ALK: variants seen among roughly 807,000 people sequenced by gnomAD.
ALK encodes ALK receptor tyrosine kinase.
A neutral mutation model predicts 163.1 loss-of-function variants in ALK; 74 were observed. The observed-to-expected ratio is 0.45, with a 90% CI of 0.38 to 0.55. The LOEUF (loss-of-function observed/expected upper bound fraction) is 0.55, where lower values mean the gene tolerates loss of function less well. ALK is among the 20% of genes least tolerant of loss of function. The pLI, the probability that ALK is intolerant of heterozygous loss-of-function variation, is 0.00. For missense variants in ALK, 2,063 were observed against 2,105.3 expected, an observed-to-expected ratio of 0.98 and a Z score of 0.39; for synonymous variants, 960 against 843.2, an observed-to-expected ratio of 1.14 and a Z score of -2.40.
intron 1 of ALK, among the ~76,000 whole-genome samples, chr2:29,836,016 T>C (rs368028798): frequency 5.9e-5 from 9 of 152,238 alleles, no homozygotes; most frequent in East Asian, 3.9e-4. Context: ...TTCCATTCCA[T>C]AGCTCCCCTG....
chr2:29,803,261 C>G (rs948177219), intron 1 of ALK, among the ~76,000 whole-genome samples: 1 of 152,214 alleles, frequency 6.6e-6, no homozygotes, highest in Non-Finnish European at 1.5e-5. Flanking sequence ...TCTGAACAAC[C>G]TAGCCCATTA....
At chr2:29,854,416 T>C (rs1372204108) in intron 1 of ALK, among the ~76,000 whole-genome samples, 2 of 152,062 alleles carry the variant, frequency 1.3e-5, no homozygotes, top group Admixed American at 6.6e-5. Flanking sequence ...TCCCCCTCTC[T>C]CTCTCTTAAG....
chr2:29,369,513 A>G (rs1483306090), intron 5 of ALK, among the ~76,000 whole-genome samples: 1 of 152,182 alleles, frequency 6.6e-6, no homozygotes, highest in Non-Finnish European at 1.5e-5. Flanking sequence ...CAACCATTTC[A>G]GCCACCTTGT....
At chr2:29,267,117 G>A (rs375081269) in intron 11 of ALK, among the ~76,000 whole-genome samples, 28 of 144,078 alleles carry the variant, frequency 1.9e-4, no homozygotes, top group Admixed American at 7.0e-4. Context: ...CCACCCCCTC[G>A]TCCCCACACT....
intron 4 of ALK, among the ~76,000 whole-genome samples, chr2:29,407,097 T>C (rs903127655): frequency 6.6e-6 from 1 of 152,176 alleles, no homozygotes; most frequent in Non-Finnish European, 1.5e-5. Flanking sequence ...TGGTTCATCC[T>C]CAGTCCTGGA....
chr2:29,619,004 A>T lies in ALK; in HGVS notation c.952+75846T>A, dbSNP rs58137846. ...AAAAAATAAATAAAAAATAAATAAA[A>T]AAAAAAAACACTTGAAAAATAGTTG... is the stretch of plus-strand genomic sequence containing the variant. On this transcript the variant is annotated intron_variant, in intron 3 of 28. Coordinates refer to ENST00000389048, the MANE Select transcript of ALK (RefSeq NM_004304.5). 8.4e-3 allele frequency among the ~76,000 whole-genome samples: 1,260 copies of T among 150,736 alleles called. 11 individuals are homozygous for T. The highest frequency in any genetic ancestry group is 0.041 in the Middle Eastern group (12 of 292).
intron 4 of ALK, among the ~76,000 whole-genome samples, chr2:29,467,008 T>A: frequency 6.6e-6 from 1 of 152,184 alleles, no homozygotes; most frequent in East Asian, 1.9e-4. Flanking sequence ...GCATCTCCAG[T>A]TGTTTCTGGT....
intron 5 of ALK, among the ~76,000 whole-genome samples, chr2:29,329,049 G>C (rs10169529): frequency 0.011 from 1,748 of 152,264 alleles, 31 homozygotes; most frequent in African/African-American, 0.039. Flanking sequence ...CTCCTGCCTG[G>C]CTGTATGAGG....
At chr2:29,848,388 A>T (rs995431603) in intron 1 of ALK, among the ~76,000 whole-genome samples, 6 of 150,372 alleles carry the variant, frequency 4.0e-5, no homozygotes, top group Non-Finnish European at 5.9e-5. Context: ...AGAACCACTG[A>T]GCTAGACTTA....
chr2:29,414,091 G>T (rs1409244155), intron 4 of ALK, among the ~76,000 whole-genome samples: 1 of 152,226 alleles, frequency 6.6e-6, no homozygotes, highest in Admixed American at 6.5e-5. Flanking sequence ...AATGCATTGT[G>T]TTATGAGGTT....
chr2:29,624,720 C>G (rs755784147), intron 3 of ALK, among the ~76,000 whole-genome samples: 5 of 152,182 alleles, frequency 3.3e-5, no homozygotes, highest in Non-Finnish European at 4.4e-5. Context: ...TAAACCTGCA[C>G]GTACTGCGCA....
At chr2:29,274,941 T>C (rs537985915) in intron 11 of ALK, among the ~76,000 whole-genome samples, 158 bp downstream of exon 11, 1 of 152,230 alleles carries the variant, frequency 6.6e-6, no homozygotes, top group Non-Finnish European at 1.5e-5. Context: ...ACCAGACAGC[T>C]TCCCCTTGGA....
intron 7 of ALK, among the ~76,000 whole-genome samples, chr2:29,318,915 C>G (rs1360209114): frequency 2.0e-5 from 3 of 152,160 alleles, no homozygotes. Context: ...ATCATCTGGG[C>G]TACCACATCC....
chr2:29,275,753 G>A (rs1347443255), intron 9 of ALK, among the ~76,000 whole-genome samples: 1 of 152,154 alleles, frequency 6.6e-6, no homozygotes, highest in East Asian at 1.9e-4. Flanking sequence ...TGGAGTTTGG[G>A]GCCTGGGACC....
rs1881422 is a variant in ALK, at chr2:29,193,491, G to A, written c.4596C>T (p.Asn1532=). 3.3e-3 allele frequency: 5,323 copies of A among 1,614,098 alleles called. 152 individuals carry two copies. The African/African-American group carries it at 0.062, about 19-fold the overall frequency. Residue 1532 remains asparagine, a synonymous_variant, in exon 29 of 29, where the codon AAC becomes AAT. Coordinates refer to ENST00000389048, the MANE Select transcript of ALK (RefSeq NM_004304.5). ...CAGTACAGCTTCCCTCCAGCCCCAG[G>A]TTACCCCTGTCGTGTGGCTCCTTCT... ...IAKKEPHDRG[N]LGLEGSCTVP... is the part of the protein sequence containing the mutation.
intron 12 of ALK, among the ~76,000 whole-genome samples, chr2:29,249,958 A>G (rs1030531182): frequency 1.3e-5 from 2 of 152,204 alleles, no homozygotes; most frequent in African/African-American, 4.8e-5. Flanking sequence ...TGTCCCCGTA[A>G]CACATTTACC....
rs147152799 is a variant in ALK, at chr2:29,732,558, T to G, written c.668-14861A>C. Among the ~76,000 whole-genome samples the G allele has an allele frequency of 9.6e-4, 147 of 152,346 alleles. 1 individual carries two copies. The East Asian group carries it at 0.024, about 25-fold the overall frequency. ...TTGAGGAAGATGTGTTTATGGGTTG[T>G]TGACTGTTAGGGAGAACTGTGGACT... On this transcript the variant is annotated intron_variant, in intron 1 of 28. Transcript: ENST00000389048.
At chr2:29,377,594 C>A (rs779322609) in intron 5 of ALK, among the ~76,000 whole-genome samples, 1 of 151,964 alleles carries the variant, frequency 6.6e-6, no homozygotes, top group Admixed American at 6.6e-5. Flanking sequence ...GGGTTCTAGG[C>A]GCCCCCAAAG....
intron 1 of ALK, among the ~76,000 whole-genome samples, chr2:29,780,925 GT>G (rs1681315498): frequency 6.6e-6 from 1 of 152,224 alleles, no homozygotes; most frequent in Non-Finnish European, 1.5e-5. Flanking sequence ...TAAAGAAAAG[GT>G]CAGGTAGGAA....
Sources: gnomAD v4.1 joint callset for allele counts (sites outside exome capture counted in the v4.1 genomes callset) on GRCh38, gnomAD v4.1.1 for gene constraint, MANE v1.5 for transcripts, NCBI Gene and HGNC (gene_info 2026-07-23, HGNC 2026-07-21) for gene names.